The following CHLSN variants were observed in gnomAD, a reference collection of about 807,000 sequenced individuals.
The protein encoded by CHLSN is cholesin.
At chr7:1,089,035 C>T in the CHLSN span, among the ~76,000 whole-genome samples, 1 of 152,152 alleles carries the variant, frequency 6.6e-6, no homozygotes, top group South Asian at 2.1e-4. Flanking sequence ...AGAAAATAAA[C>T]GTTAAGTTGA....
At chr7:1,093,653 T>C in the CHLSN span, 1 of 471,264 alleles carries the variant, frequency 2.1e-6, no homozygotes, top group Non-Finnish European at 4.4e-6. Flanking sequence ...GCCAGGACAA[T>C]GAAATACTCC....
chr7:1,083,521 G>A, the CHLSN span, among the ~76,000 whole-genome samples: 9 of 152,140 alleles, frequency 5.9e-5, no homozygotes, highest in South Asian at 2.1e-4. Context: ...CCAGCTACTC[G>A]GGAGGCTGAG....
chr7:1,050,016 C>G, the CHLSN span, among the ~76,000 whole-genome samples: 8 of 152,356 alleles, frequency 5.3e-5, no homozygotes, highest in South Asian at 1.7e-3. Flanking sequence ...ACACACGGGC[C>G]CTCCCAGGTC....
chr7:1,101,946 C>G, the CHLSN span, among the ~76,000 whole-genome samples: 1 of 152,252 alleles, frequency 6.6e-6, no homozygotes, highest in African/African-American at 2.4e-5. Context: ...AGCGGCCAGG[C>G]CAGCCGAGCC....
At chr7:1,089,345 C>T in the CHLSN span, among the ~76,000 whole-genome samples, 2 of 152,202 alleles carry the variant, frequency 1.3e-5, 1 homozygote, top group Admixed American at 1.3e-4. Flanking sequence ...GGCAGTGATT[C>T]ATCTTGTCTT....
chr7:1,113,378 G>A, the CHLSN span, among the ~76,000 whole-genome samples: 1 of 152,204 alleles, frequency 6.6e-6, no homozygotes, highest in South Asian at 2.1e-4. Context: ...GCTCCCAGAA[G>A]GCGCCGCCCG....
chr7:1,038,320 C>T, the CHLSN span, among the ~76,000 whole-genome samples: 2 of 100,744 alleles, frequency 2.0e-5, no homozygotes, highest in South Asian at 3.4e-4. Flanking sequence ...GTCAGCCCCC[C>T]GCCCGGCCAG....
chr7:1,103,747 A>T, the CHLSN span, among the ~76,000 whole-genome samples: 49 of 152,094 alleles, frequency 3.2e-4, 1 homozygote, highest in Admixed American at 6.5e-5. Flanking sequence ...TCTCCCGTGT[A>T]CTCTCATGGC....
chr7:1,100,842 G>GA, the CHLSN span, among the ~76,000 whole-genome samples: 1 of 152,216 alleles, frequency 6.6e-6, no homozygotes, highest in East Asian at 1.9e-4. Flanking sequence ...ACGACACCCC[G>GA]AAAGGACAGC....
At chr7:1,027,209 T>A in the CHLSN span, among the ~76,000 whole-genome samples, 1 of 152,252 alleles carries the variant, frequency 6.6e-6, no homozygotes, top group African/African-American at 2.4e-5. Flanking sequence ...TTTCTCACTT[T>A]GCCACAACTC....
chr7:1,110,396 C>G, the CHLSN span, among the ~76,000 whole-genome samples: 2 of 151,980 alleles, frequency 1.3e-5, no homozygotes, highest in South Asian at 4.2e-4. Flanking sequence ...AGACCCCTCA[C>G]CCCTCTCCCC....
the CHLSN span, among the ~76,000 whole-genome samples, chr7:1,130,642 C>T: frequency 1.3e-5 from 2 of 151,134 alleles, no homozygotes; most frequent in East Asian, 4.0e-4. Context: ...GCCGCCCCCA[C>T]TGGGTGCAGC....
chr7:1,024,092 G>C, the CHLSN span, among the ~76,000 whole-genome samples: 4 of 152,196 alleles, frequency 2.6e-5, no homozygotes, highest in African/African-American at 9.7e-5. Flanking sequence ...CTCCCAAAGT[G>C]CTGGGATTAT....
At chr7:1,008,098 C>A in the CHLSN span, among the ~76,000 whole-genome samples, 2 of 152,212 alleles carry the variant, frequency 1.3e-5, no homozygotes, top group African/African-American at 4.8e-5. Context: ...ACAGCCACGC[C>A]CCGAGGCACC....
chr7:993,245 G>A, the CHLSN span, among the ~76,000 whole-genome samples: 2 of 152,224 alleles, frequency 1.3e-5, no homozygotes, highest in African/African-American at 2.4e-5. Context: ...GAGAGCGCCC[G>A]TTCCCTGGGA....
At chr7:1,013,522 G>C in the CHLSN span, among the ~76,000 whole-genome samples, 2 of 152,204 alleles carry the variant, frequency 1.3e-5, no homozygotes, top group Admixed American at 1.3e-4. Context: ...CAGACTTTGG[G>C]CCCCCTGGAG....
At chr7:1,122,854 C>A in the CHLSN span, among the ~76,000 whole-genome samples, 1 of 152,204 alleles carries the variant, frequency 6.6e-6, no homozygotes, top group Non-Finnish European at 1.5e-5. Flanking sequence ...CCAACCCCAG[C>A]GGCAGAACCT....
chr7:990,294 G>T, the CHLSN span, among the ~76,000 whole-genome samples: 2 of 30,430 alleles, frequency 6.6e-5, no homozygotes, highest in East Asian at 9.4e-4. Flanking sequence ...ACAGTGGCGC[G>T]TGTGCTGGGG....
chr7:1,035,083 G>C, the CHLSN span, among the ~76,000 whole-genome samples: 1 of 152,258 alleles, frequency 6.6e-6, no homozygotes, highest in Non-Finnish European at 1.5e-5. Context: ...TTGCGACTGT[G>C]AACAGTGCTG....
Sources: gnomAD v4.1 joint callset for allele counts (sites outside exome capture counted in the v4.1 genomes callset) on GRCh38, gnomAD v4.1.1 for gene constraint, MANE v1.5 for transcripts, NCBI Gene and HGNC (gene_info 2026-07-23, HGNC 2026-07-21) for gene names.